The following EPHA4 variants were observed in gnomAD, a reference collection of about 807,000 sequenced individuals.
The protein encoded by EPHA4 is EPH receptor A4, also known as ephrin type-A receptor 4.
Under a neutral mutation model 108.3 loss-of-function variants are expected in EPHA4, and 19 were observed. That is an observed-to-expected ratio of 0.18 (90% CI 0.12 to 0.26). EPHA4 has a LOEUF of 0.26. EPHA4 is among the 10% of genes least tolerant of loss of function. EPHA4 has a pLI of 1.00. For synonymous variants in EPHA4, 449 were observed against 455.5 expected (o/e 0.99, Z 0.18); for missense variants, 917 against 1,254.0 (o/e 0.73, Z 4.06).
At chr2:221,549,157 A>G (rs1483146296) in intron 3 of EPHA4, among the ~76,000 whole-genome samples, 1 of 152,142 alleles carries the variant, frequency 6.6e-6, no homozygotes, top group Non-Finnish European at 1.5e-5. Flanking sequence ...TCCAAAAAAT[A>G]TGCCTCAAAA....
At chr2:221,541,500 G>C (rs1478930988) in intron 3 of EPHA4, among the ~76,000 whole-genome samples, 3 of 152,180 alleles carry the variant, frequency 2.0e-5, no homozygotes, top group Non-Finnish European at 4.4e-5. Context: ...GAAGGTGCCA[G>C]TCCTAATGGG....
At chr2:221,482,290 T>C in intron 5 of EPHA4, 62 bp downstream of exon 5, 1 of 1,372,200 alleles carries the variant, frequency 7.3e-7, no homozygotes, top group Non-Finnish European at 9.9e-7. Context: ...TTATAATTCA[T>C]TATTTTAAGC....
chr2:221,447,303 A>T (rs1690622264), intron 8 of EPHA4, among the ~76,000 whole-genome samples: 1 of 152,338 alleles, frequency 6.6e-6, no homozygotes, highest in South Asian at 2.1e-4. Flanking sequence ...ACAGAAAAAG[A>T]AACACGGTCT....
intron 17 of EPHA4, among the ~76,000 whole-genome samples, chr2:221,423,123 G>T (rs529906901): frequency 2.0e-5 from 3 of 152,176 alleles, no homozygotes; most frequent in Non-Finnish European, 4.4e-5. Flanking sequence ...AGGAAGAAGC[G>T]TACCTTTCTT....
intron 4 of EPHA4, among the ~76,000 whole-genome samples, chr2:221,499,737 TATATATATATATA>T (rs1478648270): frequency 7.7e-5 from 4 of 52,222 alleles, no homozygotes; most frequent in African/African-American, 3.2e-4. Context: ...TATATATATA[TATATATATATATA>T]TATATATTTT....
At chr2:221,437,223 G>C (rs968375766) in intron 11 of EPHA4, 101 bp from the exon 12 acceptor site, 2 of 801,148 alleles carry the variant, frequency 2.5e-6, no homozygotes, top group Non-Finnish European at 2.1e-6. Flanking sequence ...TACCTGTCTT[G>C]TGTGATCTAA....
chr2:221,563,666 C>T, intron 3 of EPHA4, 65 bp downstream of exon 3: 6 of 1,555,608 alleles, frequency 3.9e-6, no homozygotes, highest in Non-Finnish European at 4.4e-6. Context: ...TCCATTTAGT[C>T]TCATCTCTGA....
At chr2:221,466,508 AG>A (rs1691318343) in intron 5 of EPHA4, among the ~76,000 whole-genome samples, 1 of 152,204 alleles carries the variant, frequency 6.6e-6, no homozygotes, top group Non-Finnish European at 1.5e-5. Flanking sequence ...TCAGGTACAA[AG>A]AAATTAAATA....
chr2:221,474,872 AATT>A (rs1241244354), intron 5 of EPHA4, among the ~76,000 whole-genome samples: 1 of 152,056 alleles, frequency 6.6e-6, no homozygotes, highest in Non-Finnish European at 1.5e-5. Context: ...CAGAGCATAG[AATT>A]ATTATTATTT....
At chr2:221,438,644 C>T (rs189377834) in intron 11 of EPHA4, among the ~76,000 whole-genome samples, 22 of 151,794 alleles carry the variant, frequency 1.4e-4, no homozygotes, top group Non-Finnish European at 2.2e-4. Flanking sequence ...AAAAATTTGC[C>T]GGGTGCAGTA....
chr2:221,571,183 C>T lies in EPHA4; in HGVS notation c.91+975G>A, dbSNP rs777830538. On this transcript the variant is annotated intron_variant, in intron 1 of 17. Coordinates refer to ENST00000281821, the MANE Select transcript of EPHA4 (RefSeq NM_004438.5). This position sits in a 1 kb window ranked among gnomAD's most constrained non-coding sequence, Gnocchi z 6.3. Reference sequence around the variant, plus strand: ...GCACACACACGCAGACATGCACACACACGCAGACATGCACACACACCACAC... The same window carrying T: ...GCACACACACGCAGACATGCACACATACGCAGACATGCACACACACCACAC... Among the ~76,000 whole-genome samples the T allele has an allele frequency of 5.9e-5, 9 of 151,746 alleles. No individual in the cohort carries two copies. Among genetic ancestry groups the T allele is most frequent in the Middle Eastern group, 3.4e-3 (1 of 294 alleles).
chr2:221,507,881 C>A (rs1692680323), intron 3 of EPHA4, among the ~76,000 whole-genome samples: 1 of 152,154 alleles, frequency 6.6e-6, no homozygotes, highest in South Asian at 2.1e-4. Context: ...AGCTTCTAAT[C>A]TTGGAAGATC....
chr2:221,429,969 C>T lies in EPHA4; in HGVS notation c.2679G>A (p.Thr893=), dbSNP rs371830529. 524 of 1,613,764 alleles carry T rather than the reference C, an allele frequency of 3.2e-4. No individual in the cohort carries two copies. The highest frequency in any genetic ancestry group is 4.1e-4 in the Non-Finnish European group (480 of 1,179,942). The part of the protein sequence containing the change: ...RNPNSLKRTG[T]ESSRPNTALL... ...TAAGCATGGCTGACCTGGAGCTCTC[C>T]GTCCCTGTCCTCTTCAAGCTGTTGG... is the stretch of plus-strand genomic sequence containing the variant. Residue 893 remains threonine, a synonymous_variant, in exon 15 of 18, where the codon ACG becomes ACA. Transcript: ENST00000281821.
intron 16 of EPHA4, 85 bp downstream of exon 16, chr2:221,426,379 A>G: frequency 6.8e-7 from 1 of 1,463,768 alleles, no homozygotes; most frequent in Non-Finnish European, 9.1e-7. Flanking sequence ...TTAAATGAGT[A>G]GGATGATTAC....
At chr2:221,474,230 A>T (rs1691586109) in intron 5 of EPHA4, among the ~76,000 whole-genome samples, 1 of 152,014 alleles carries the variant, frequency 6.6e-6, no homozygotes, top group Non-Finnish European at 1.5e-5. Flanking sequence ...GACTTGTGGC[A>T]CCCACCCCGA....
chr2:221,425,293 T>C lies in EPHA4; in HGVS notation c.*735A>G, dbSNP rs1430841137. 6.6e-6 allele frequency: 1 copy of C among 152,502 alleles called. No homozygotes were observed. Among genetic ancestry groups the C allele is most frequent in the African/African-American group, 2.4e-5 (1 of 41,406 alleles). The allele number at this position is 152,502 out of a possible 1,614,324, so 9.4% of individuals were successfully genotyped here. ...TTGTCACAGCCCACTATCCACAAGATAGTTAGGACAAGTTTGTAAAGTCCC... is the reference window on the plus strand; with the variant it reads ...TTGTCACAGCCCACTATCCACAAGACAGTTAGGACAAGTTTGTAAAGTCCC... On this transcript the variant is annotated 3_prime_UTR_variant, in exon 17 of 18. Transcript: ENST00000281821.
chr2:221,498,306 G>A (rs1255155914), intron 4 of EPHA4, among the ~76,000 whole-genome samples: 1 of 152,162 alleles, frequency 6.6e-6, no homozygotes, highest in Non-Finnish European at 1.5e-5. Flanking sequence ...GTAAGTGGGG[G>A]AGTACATGAT....
At chr2:221,535,023 T>C (rs919204177) in intron 3 of EPHA4, among the ~76,000 whole-genome samples, 7 of 152,236 alleles carry the variant, frequency 4.6e-5, no homozygotes, top group African/African-American at 1.4e-4. Flanking sequence ...TCCATCGCTA[T>C]TGGATCCACA....
In EPHA4 at chr2:221,566,953, AAGG is replaced by A. The variant is rs1219347210; in HGVS notation, c.159+1762_159+1764del. ...GAAGGAGAAGGAGAAGGAGAAGGAGAAGGGGAAGAGGAAGAGGAAGAAGAAGAA... is the reference window on the plus strand; with the variant it reads ...GAAGGAGAAGGAGAAGGAGAAGGAGAGGAAGAGGAAGAGGAAGAAGAAGAA... On this transcript the variant is annotated intron_variant, in intron 2 of 17. Transcript: ENST00000281821. Among the ~76,000 whole-genome samples the A allele has an allele frequency of 3.4e-3, 286 of 84,850 alleles. 83 individuals carry two copies. The highest frequency in any genetic ancestry group is 7.5e-3 in the African/African-American group (116 of 15,506). The allele number at this position is 84,850 out of a possible 152,430, so 55.7% of individuals were successfully genotyped here.
Sources: allele counts gnomAD v4.1 joint callset (sites outside exome capture counted in the v4.1 genomes callset), GRCh38; gene constraint gnomAD v4.1.1; non-coding constraint Gnocchi (gnomAD v3.1); transcripts MANE v1.5; gene names NCBI Gene and HGNC (gene_info 2026-07-23, HGNC 2026-07-21).